OVCH2: variants seen among roughly 807,000 people sequenced by gnomAD.
OVCH2 encodes ovochymase 2, also known as ovochymase-2.
OVCH2 carries 88 observed loss-of-function variants against 73.7 expected under a neutral mutation model. The observed-to-expected ratio is 1.19, with a 90% confidence interval of 1.01 to 1.43. OVCH2 has a LOEUF of 1.43. Among genes scored for constraint, OVCH2 ranks in the 40% most tolerant of loss-of-function variants. OVCH2 has a pLI of 0.00. For missense variants in OVCH2, 706 were observed against 674.5 expected (o/e 1.05, Z -0.52); for synonymous variants, 265 against 234.5 (o/e 1.13, Z -1.19).
intron 1 of OVCH2, 164 bp downstream of exon 1, chr11:7,706,143 G>A (rs545698088): frequency 1.4e-5 from 9 of 655,694 alleles, no homozygotes; most frequent in Non-Finnish European, 2.3e-5. Context: ...GTCCTATGCC[G>A]ATTGCAGGAG....
rs1856442372 is a variant in OVCH2 at position 7,701,734 on chromosome 11, A to G, written c.541T>C (p.Trp181Arg). ...EAGFICTTAG[W>R]GRLTEGGVLS... ...TTCTTACCTTCAGTTAAGCGGCCCC[A>G]GCCTGCAGTTGTACAAATAAAACCA... Residue 181 changes from tryptophan to arginine, a missense_variant, in exon 5 of 16, where the codon TGG becomes CGG. Coordinates refer to ENST00000533663, the MANE Select transcript of OVCH2 (RefSeq NM_198185.7). The G allele has an allele frequency of 6.2e-7, 1 of 1,611,976 alleles. No individual in the cohort carries two copies. The highest frequency in any genetic ancestry group is 8.5e-7 in the Non-Finnish European group (1 of 1,179,280).
the OVCH2 span, among the ~76,000 whole-genome samples, chr11:7,681,792 C>T: frequency 3.5e-5 from 5 of 142,210 alleles, no homozygotes; most frequent in Admixed American, 3.0e-4. Context: ...TGGGGATGGG[C>T]GCTTCAGATT....
chr11:7,692,042 T>C, intron 12 of OVCH2, 47 bp from the exon 13 acceptor site: 1 of 1,346,630 alleles, frequency 7.4e-7, no homozygotes. Flanking sequence ...CTGAATGAAT[T>C]ACCTGACTTT....
At chr11:7,701,670 G>T in intron 5 of OVCH2, 46 bp downstream of exon 5, 1 of 1,561,842 alleles carries the variant, frequency 6.4e-7, no homozygotes. Flanking sequence ...TTGCCCACCA[G>T]AAAGTTCTGA....
At chr11:7,701,850 G>A in intron 4 of OVCH2, 39 bp from the exon 5 acceptor site, 1 of 1,536,310 alleles carries the variant, frequency 6.5e-7, no homozygotes, top group Non-Finnish European at 8.9e-7. Context: ...CTCATTCATG[G>A]AGGAGAGGAC....
Position 7,703,739 on chromosome 11 carries a change from T to C in OVCH2, c.249A>G (p.Ser83=), listed in dbSNP as rs1464728585. 1 of 1,611,086 alleles carries C rather than the reference T, an allele frequency of 6.2e-7. No individual in the cohort carries two copies. Among genetic ancestry groups the C allele is most frequent in the South Asian group, 1.1e-5 (1 of 90,216 alleles). ...QKHICGGSIV[S]PQWVITAAHC... ...GAGCCGCCGTGATCACCCACTGTGGTGAGACGATGCTTCCTCCACAAATAT... is the reference window on the plus strand; with the variant it reads ...GAGCCGCCGTGATCACCCACTGTGGCGAGACGATGCTTCCTCCACAAATAT... Residue 83 remains serine, a synonymous_variant, in exon 3 of 16, where the codon TCA becomes TCG. Transcript: ENST00000533663.
At chr11:7,684,940 G>A (rs571441612), downstream of OVCH2, among the ~76,000 whole-genome samples, 1 of 152,158 alleles carries the variant, frequency 6.6e-6, no homozygotes, top group African/African-American at 2.4e-5. Context: ...TCTTGAGCCT[G>A]CCAGACTTAT....
the OVCH2 span, among the ~76,000 whole-genome samples, chr11:7,681,573 G>A: frequency 6.6e-6 from 1 of 152,174 alleles, no homozygotes; most frequent in Non-Finnish European, 1.5e-5. Flanking sequence ...CCAGCTATGT[G>A]TACAGAGCTG....
In OVCH2 at chr11:7,695,642, C is replaced by T. The variant is rs189164600; in HGVS notation, c.1210G>A (p.Val404Ile). The change falls in exon 11 of 16, where the codon GTC becomes ATC. Residue 404 changes from valine (V) to isoleucine (I), a missense_variant. By Grantham distance (29) the Val-to-Ile change is conservative. Coordinates refer to ENST00000533663, the MANE Select transcript of OVCH2 (RefSeq NM_198185.7). ...GCTGCATTATCTGTGGCATCAGAGA[C>T]GAATTTCAGCCTTAGAGAATTAGAG... ...IGSNSLRLKF[V>I]SDATDNAAGF... is the part of the protein sequence containing the mutation. 2.5e-5 allele frequency: 40 copies of T among 1,608,972 alleles called. No individual in the cohort carries two copies. The highest frequency in any genetic ancestry group is 1.3e-4 in the Admixed American group (8 of 59,768).
downstream of OVCH2, among the ~76,000 whole-genome samples, chr11:7,688,869 T>G (rs79741985): frequency 2.6e-5 from 4 of 152,328 alleles, no homozygotes; most frequent in African/African-American, 7.2e-5. Flanking sequence ...GTATACTTGC[T>G]ATTTTTCAGA....
chr11:7,682,038 A>G, the OVCH2 span, among the ~76,000 whole-genome samples: 1 of 146,664 alleles, frequency 6.8e-6, no homozygotes, highest in Non-Finnish European at 1.5e-5. Context: ...TTAAAAAGCA[A>G]AACAAGTGAA....
At chr11:7,683,648 TAGCCCATAACATCCTACACA>T in the OVCH2 span, among the ~76,000 whole-genome samples, 2 of 152,176 alleles carry the variant, frequency 1.3e-5, no homozygotes, top group Non-Finnish European at 2.9e-5. Flanking sequence ...GTTTTTACCT[TAGCCCATAACATCCTACACA>T]AGCTGTCCTC....
chr11:7,681,955 T>C, the OVCH2 span, among the ~76,000 whole-genome samples: 2 of 152,128 alleles, frequency 1.3e-5, no homozygotes, highest in Non-Finnish European at 2.9e-5. Context: ...CAGCCTCTGC[T>C]TCCTTTTCTT....
intron 11 of OVCH2, 132 bp downstream of exon 11, chr11:7,695,438 G>T: frequency 2.0e-6 from 2 of 995,222 alleles, no homozygotes; most frequent in Non-Finnish European, 2.9e-6. Context: ...TCTCTAGTTG[G>T]CCTGTGCCCC....
At chr11:7,690,309 C>T (rs752750730) in intron 14 of OVCH2, among the ~76,000 whole-genome samples, 257 of 152,224 alleles carry the variant, frequency 1.7e-3, no homozygotes, top group African/African-American at 3.4e-3. Context: ...TTAGGTAGTT[C>T]GAATGTCCAG....
At chr11:7,692,161 A>G (rs144857726) in intron 12 of OVCH2, among the ~76,000 whole-genome samples, 166 bp from the exon 13 acceptor site, 40 of 152,362 alleles carry the variant, frequency 2.6e-4, no homozygotes, top group African/African-American at 7.7e-4. Flanking sequence ...GAAGGATTCT[A>G]TATCACAGGC....
chr11:7,695,813 C>A, intron 10 of OVCH2, 103 bp from the exon 11 acceptor site: 1 of 1,452,412 alleles, frequency 6.9e-7, no homozygotes, highest in Non-Finnish European at 9.4e-7. Flanking sequence ...CAGGATTGTC[C>A]AATCCAAAGT....
At chr11:7,695,278 C>A (rs891104386) in intron 11 of OVCH2, 90 bp from the exon 12 acceptor site, 1 of 1,377,668 alleles carries the variant, frequency 7.3e-7, no homozygotes, top group Non-Finnish European at 9.8e-7. Flanking sequence ...GAAAATGATG[C>A]ATATCAATTG....
chr11:7,692,121 G>T (rs1181985632), intron 12 of OVCH2, 126 bp from the exon 13 acceptor site: 3 of 675,590 alleles, frequency 4.4e-6, no homozygotes, highest in Non-Finnish European at 7.7e-6. Flanking sequence ...AAGTTAATGG[G>T]GTATTCAGGA....
Sources: allele counts gnomAD v4.1 joint callset (sites outside exome capture counted in the v4.1 genomes callset), GRCh38; gene constraint gnomAD v4.1.1; transcripts MANE v1.5; gene names NCBI Gene and HGNC (gene_info 2026-07-23, HGNC 2026-07-21).